Variants in CCDC171 observed in about 807,000 individuals in gnomAD.
CCDC171 encodes coiled-coil domain-containing protein 171.
Under a neutral mutation model 168.2 loss-of-function variants are expected in CCDC171, and 177 were observed. The observed-to-expected ratio is 1.05, with a 90% CI of 0.93 to 1.19. The LOEUF is 1.19. Among genes scored for constraint, CCDC171 ranks in the 50% most tolerant of loss-of-function variants. The pLI is 0.00. For synonymous variants in CCDC171, 687 were observed against 540.8 expected, an observed-to-expected ratio of 1.27 and a Z score of -3.75; for missense variants, 1,991 against 1,539.0, an observed-to-expected ratio of 1.29 and a Z score of -4.91.
At chr9:15,693,123 C>T (rs911917062) in intron 10 of CCDC171, among the ~76,000 whole-genome samples, 2 of 151,808 alleles carry the variant, frequency 1.3e-5, no homozygotes, top group African/African-American at 2.4e-5. Context: ...GATGACAGAG[C>T]GAGACTCTGT....
At chr9:15,996,443 C>CG (rs1254505910) in intron 3 of CCDC171, among the ~76,000 whole-genome samples, 1 of 62,782 alleles carries the variant, frequency 1.6e-5, no homozygotes, top group Non-Finnish European at 3.2e-5. Context: ...TTTTTTTTTG[C>CG]GGGGGGCGGA....
chr9:15,995,272 A>G (rs1044233903), intron 3 of CCDC171, among the ~76,000 whole-genome samples: 2 of 152,240 alleles, frequency 1.3e-5, no homozygotes, highest in African/African-American at 4.8e-5. Flanking sequence ...GAACAGAACA[A>G]TTGTCAAGAA....
Position 15,820,644 on chromosome 9 carries a change from T to G in CCDC171, c.3268-26058T>G, listed in dbSNP as rs559393351. On this transcript the variant is annotated intron_variant, in intron 21 of 25. Coordinates refer to ENST00000380701, the MANE Select transcript of CCDC171 (RefSeq NM_173550.4). ...CCTCCTAAGACTAAACCAGGAAGAA[T>G]TTGAATCTCTGAATAGACAATAACA... Among the ~76,000 whole-genome samples the G allele has an allele frequency of 1.2e-4, 14 of 116,982 alleles. 4 individuals are homozygous for G. Among genetic ancestry groups the G allele is most frequent in the Non-Finnish European group, 1.9e-4 (10 of 52,114 alleles). 76.7% of individuals were successfully genotyped at this position (116,982 alleles called of 152,430 possible).
chr9:15,931,625 T>G lies in CCDC171; in HGVS notation c.3753+11203T>G, dbSNP rs553450018. On this transcript the variant is annotated intron_variant, in intron 25 of 25. Transcript: ENST00000380701. ...GCTGTGCAAAAGCTGTTTAGTTTGA[T>G]GTAATCACATTTGTCCATTTTTGTT... Among the ~76,000 whole-genome samples, 23 of 151,824 alleles carry G rather than the reference T, an allele frequency of 1.5e-4. No homozygotes were observed. The South Asian group carries it at 4.6e-3, about 30-fold the overall frequency.
chr9:15,753,615 T>G, intron 18 of CCDC171, among the ~76,000 whole-genome samples: 1 of 152,082 alleles, frequency 6.6e-6, no homozygotes. Context: ...TAGGTAAGAT[T>G]TATCAAGTAG....
At chr9:15,999,142 T>C (rs1433087989) in intron 3 of CCDC171, among the ~76,000 whole-genome samples, 4 of 150,862 alleles carry the variant, frequency 2.7e-5, no homozygotes, top group Non-Finnish European at 5.9e-5. Flanking sequence ...GTCCAAGAGT[T>C]TGAGGCTGCC....
At chr9:15,623,911 G>T (rs900923652) in intron 7 of CCDC171, among the ~76,000 whole-genome samples, 12 of 152,314 alleles carry the variant, frequency 7.9e-5, no homozygotes, top group Non-Finnish European at 1.6e-4. Flanking sequence ...ATTCGTGAAT[G>T]ATACTGAAAA....
At chr9:15,729,409 A>G (rs1317835716) in intron 15 of CCDC171, among the ~76,000 whole-genome samples, 2 of 152,138 alleles carry the variant, frequency 1.3e-5, no homozygotes, top group Non-Finnish European at 2.9e-5. Context: ...TATACAAGTA[A>G]CACAATTTTC....
chr9:15,591,491 C>T lies in CCDC171; in HGVS notation c.478C>T (p.Gln160Ter). ...HDLEERDNMI[Q>*]NCNREYDLLM... Reference sequence around the variant, plus strand: ...TTTGGAGGAAAGAGACAATATGATCCAAAATTGCAATCGAGAATATGATTT... The same window carrying T: ...TTTGGAGGAAAGAGACAATATGATCTAAAATTGCAATCGAGAATATGATTT... The change falls in exon 5 of 26, where the codon CAA becomes TAA. Residue 160 changes from glutamine to a stop codon, truncating the protein, a stop_gained. Transcript: ENST00000380701. LOFTEE classifies it high-confidence loss of function. 1 of 1,604,744 alleles carries T rather than the reference C, an allele frequency of 6.2e-7. No homozygotes were observed. The highest frequency in any genetic ancestry group is 8.5e-7 in the Non-Finnish European group (1 of 1,175,174).
chr9:15,681,371 T>G (rs551317662), intron 10 of CCDC171, among the ~76,000 whole-genome samples: 1 of 152,212 alleles, frequency 6.6e-6, no homozygotes, highest in East Asian at 1.9e-4. Flanking sequence ...GTTAATATGT[T>G]CCTCTTAATT....
At chr9:15,974,820 A>G (rs1238257263), downstream of CCDC171, among the ~76,000 whole-genome samples, 1 of 152,184 alleles carries the variant, frequency 6.6e-6, no homozygotes, top group Non-Finnish European at 1.5e-5. Flanking sequence ...GACATATGCT[A>G]TTATTGAATG....
At chr9:16,049,486 AAC>A (rs1462431871) in intron 1 of CCDC171, among the ~76,000 whole-genome samples, 4 of 152,170 alleles carry the variant, frequency 2.6e-5, no homozygotes, top group Non-Finnish European at 4.4e-5. Context: ...AAAGAGAACA[AAC>A]ACAGAAGGCA....
chr9:15,572,628 A>T (rs907943981), intron 3 of CCDC171, among the ~76,000 whole-genome samples: 1 of 152,200 alleles, frequency 6.6e-6, no homozygotes, highest in African/African-American at 2.4e-5. Flanking sequence ...TAAGTTCTGC[A>T]GTTCTCATGT....
At chr9:15,800,267 A>G (rs934928479) in intron 21 of CCDC171, among the ~76,000 whole-genome samples, 1 of 151,850 alleles carries the variant, frequency 6.6e-6, no homozygotes, top group African/African-American at 2.4e-5. Flanking sequence ...TCCCTTGTGC[A>G]TCCATTTGTT....
chr9:16,005,034 C>T (rs1438992985), intron 3 of CCDC171, among the ~76,000 whole-genome samples: 1 of 152,114 alleles, frequency 6.6e-6, no homozygotes, highest in Non-Finnish European at 1.5e-5. Flanking sequence ...AATCATGTAA[C>T]ATATAATTCA....
At chr9:15,614,591 T>C (rs1180822821) in intron 6 of CCDC171, among the ~76,000 whole-genome samples, 3 of 152,230 alleles carry the variant, frequency 2.0e-5, no homozygotes, top group African/African-American at 7.2e-5. Context: ...TGCTACCCCA[T>C]TCTGGAGCTG....
At chr9:15,985,306 T>C (rs1296027769) in intron 3 of CCDC171, among the ~76,000 whole-genome samples, 1 of 152,130 alleles carries the variant, frequency 6.6e-6, no homozygotes, top group African/African-American at 2.4e-5. Context: ...AAGGTTCAAG[T>C]GCGAGATACA....
At chr9:15,915,384 G>T (rs2182934) in intron 24 of CCDC171, among the ~76,000 whole-genome samples, 126,958 of 151,300 alleles carry the variant, frequency 0.84, 53,415 homozygotes, top group East Asian at 0.96. Context: ...ATAGCTATTG[G>T]GAATTGGATA....
chr9:15,996,912 A>C (rs1472535270), intron 3 of CCDC171, among the ~76,000 whole-genome samples: 1 of 152,234 alleles, frequency 6.6e-6, no homozygotes, highest in Non-Finnish European at 1.5e-5. Flanking sequence ...GCATTAAGAA[A>C]GAATAATGAA....
Sources: allele counts gnomAD v4.1 joint callset (sites outside exome capture counted in the v4.1 genomes callset), GRCh38; gene constraint gnomAD v4.1.1; transcripts MANE v1.5; gene names NCBI Gene and HGNC (gene_info 2026-07-23, HGNC 2026-07-21).